The following MBD5 variants were observed in gnomAD, a reference collection of about 807,000 sequenced individuals.
MBD5 encodes the protein methyl-CpG-binding domain protein 5.
Under a neutral mutation model 117.3 loss-of-function variants are expected in MBD5, and 13 were observed. The ratio of observed to expected loss-of-function variants is 0.11; its 90% CI spans 0.07 to 0.18. The LOEUF is 0.18. Among genes scored for constraint, MBD5 ranks in the 10% least tolerant of loss-of-function variants. The pLI, the probability that MBD5 is intolerant of heterozygous loss-of-function variation, is 1.00. For missense variants in MBD5, 1,879 were observed against 2,093.8 expected, an observed-to-expected ratio of 0.90 and a Z score of 2.00; for synonymous variants, 727 against 766.4, an observed-to-expected ratio of 0.95 and a Z score of 0.85.
At chr2:148,166,094 T>C (rs1256258941) in intron 1 of MBD5, among the ~76,000 whole-genome samples, 1 of 152,182 alleles carries the variant, frequency 6.6e-6, no homozygotes, top group African/African-American at 2.4e-5. Flanking sequence ...GACAATTCTC[T>C]AAATGTAAGA....
At chr2:148,139,836 A>C (rs995558110) in intron 1 of MBD5, among the ~76,000 whole-genome samples, 2 of 152,170 alleles carry the variant, frequency 1.3e-5, no homozygotes, top group Admixed American at 6.5e-5. Flanking sequence ...GTGGGCCCCA[A>C]CATATCCTGT....
chr2:148,409,790 A>G (rs1367283275), intron 4 of MBD5, among the ~76,000 whole-genome samples: 2 of 152,200 alleles, frequency 1.3e-5, no homozygotes, highest in African/African-American at 2.4e-5. Flanking sequence ...TGTGATATTT[A>G]AATGTCAATA....
chr2:148,069,054 ATG>A (rs1695284302), intron 1 of MBD5, among the ~76,000 whole-genome samples: 1 of 152,188 alleles, frequency 6.6e-6, no homozygotes, highest in Admixed American at 6.5e-5. Flanking sequence ...TACAGAAACA[ATG>A]TGTCTTCTCT....
At chr2:148,042,924 TCTTAGCTCC>T (rs1180900089) in intron 1 of MBD5, among the ~76,000 whole-genome samples, 1 of 152,114 alleles carries the variant, frequency 6.6e-6, no homozygotes, top group Non-Finnish European at 1.5e-5. Flanking sequence ...CTTTTTTAGG[TCTTAGCTCC>T]CTTTGAAAAT....
chr2:148,224,956 A>G (rs923804877), intron 2 of MBD5, among the ~76,000 whole-genome samples: 1 of 151,684 alleles, frequency 6.6e-6, no homozygotes, highest in African/African-American at 2.4e-5. Context: ...GTTTGTATTT[A>G]TAGGTGAAGT....
chr2:148,152,167 A>G (rs991434135), intron 1 of MBD5, among the ~76,000 whole-genome samples: 9 of 152,146 alleles, frequency 5.9e-5, no homozygotes, highest in Non-Finnish European at 1.2e-4. Context: ...TTTCAAAAAC[A>G]TCTTTATTTC....
chr2:148,210,067 C>T (rs1699381331), intron 2 of MBD5, among the ~76,000 whole-genome samples: 1 of 152,150 alleles, frequency 6.6e-6, no homozygotes, highest in Admixed American at 6.5e-5. Flanking sequence ...TTAGTTCCAA[C>T]TAAAATTCTA....
chr2:148,208,652 GTTCT>G (rs1699344631), intron 2 of MBD5, among the ~76,000 whole-genome samples: 1 of 87,938 alleles, frequency 1.1e-5, no homozygotes, highest in Non-Finnish European at 2.5e-5. Context: ...TTGGTTATCT[GTTCT>G]TTTTTTTTTT....
intron 11 of MBD5, among the ~76,000 whole-genome samples, chr2:148,502,059 T>G (rs1323561426): frequency 1.3e-5 from 2 of 152,220 alleles, no homozygotes; most frequent in Non-Finnish European, 2.9e-5. Context: ...ACCTCTCTTG[T>G]CTTCCCCTGA....
chr2:148,277,320 C>G (rs1327463844), intron 3 of MBD5, among the ~76,000 whole-genome samples: 1 of 152,046 alleles, frequency 6.6e-6, no homozygotes, highest in African/African-American at 2.4e-5. Flanking sequence ...TAGTGTAACA[C>G]TAGGAAGCAT....
chr2:148,395,679 C>G (rs998291426), intron 4 of MBD5, among the ~76,000 whole-genome samples: 9 of 152,098 alleles, frequency 5.9e-5, no homozygotes, highest in African/African-American at 2.2e-4. Context: ...CCCTCCTCGG[C>G]CTCTCAAAGT....
Position 148,060,081 on chromosome 2 carries a change from C to T in MBD5, c.-925+38397C>T, listed in dbSNP as rs1694984858. Among the ~76,000 whole-genome samples, 4 of 131,318 alleles carry T rather than the reference C, an allele frequency of 3.0e-5. No individual in the cohort carries two copies. In the Admixed American group the frequency reaches 3.6e-4, roughly 12 times the overall value. 86.1% of individuals were successfully genotyped at this position (131,318 alleles called of 152,430 possible). On this transcript the variant is annotated intron_variant, in intron 1 of 13. Coordinates refer to ENST00000642680, the MANE Select transcript of MBD5 (RefSeq NM_001378120.1). ...CAGGTGGATGGCTTGAGTATATATA[C>T]TTCGCGAGCACCGTGGGCAACATAG... is the stretch of plus-strand genomic sequence containing the variant.
Position 148,461,867 on chromosome 2 carries a change from G to A in MBD5, c.114-715G>A, listed in dbSNP as rs1707093243. Among the ~76,000 whole-genome samples, 4 of 152,126 alleles carry A rather than the reference G, an allele frequency of 2.6e-5. No homozygotes were observed. The South Asian group carries it at 8.3e-4, about 32-fold the overall frequency. ...CTTCGTAACATTGAAGTACCTACAC[G>A]ATTATTAGCCCGAAGACCTGCGAGG... On this transcript the variant is annotated intron_variant, in intron 5 of 13. Coordinates refer to ENST00000642680, the MANE Select transcript of MBD5 (RefSeq NM_001378120.1).
chr2:148,118,410 G>C (rs1696689201), intron 1 of MBD5, among the ~76,000 whole-genome samples: 1 of 150,896 alleles, frequency 6.6e-6, no homozygotes, highest in African/African-American at 2.4e-5. Flanking sequence ...AGGAGTTTGA[G>C]ACCAGCCTGG....
chr2:148,207,942 A>G (rs1167475657), intron 2 of MBD5, among the ~76,000 whole-genome samples: 1 of 152,178 alleles, frequency 6.6e-6, no homozygotes, highest in Non-Finnish European at 1.5e-5. Flanking sequence ...AAATTACCAC[A>G]AACCTGGTGT....
At chr2:148,297,676 C>G (rs1701686771) in intron 3 of MBD5, among the ~76,000 whole-genome samples, 2 of 152,208 alleles carry the variant, frequency 1.3e-5, no homozygotes, top group African/African-American at 2.4e-5. Context: ...TTGATTCTCT[C>G]TGGCAAATAC....
At chr2:148,061,965 T>G (rs1025857747) in intron 1 of MBD5, among the ~76,000 whole-genome samples, 1 of 151,700 alleles carries the variant, frequency 6.6e-6, no homozygotes, top group Non-Finnish European at 1.5e-5. Flanking sequence ...AAATATATAT[T>G]CATGTACCTT....
intron 2 of MBD5, among the ~76,000 whole-genome samples, chr2:148,188,194 T>C (rs1698716177): frequency 6.6e-6 from 1 of 152,152 alleles, no homozygotes; most frequent in Non-Finnish European, 1.5e-5. Context: ...TTTGAAAAAA[T>C]TCAAAATTTG....
chr2:148,491,758 ACTCT>A (rs1384592271), intron 11 of MBD5, among the ~76,000 whole-genome samples: 3 of 151,896 alleles, frequency 2.0e-5, no homozygotes, highest in Non-Finnish European at 4.4e-5. Flanking sequence ...TATTCTCTAT[ACTCT>A]CTGAGTTCAG....
Sources: gnomAD v4.1 joint callset for allele counts (sites outside exome capture counted in the v4.1 genomes callset) on GRCh38, gnomAD v4.1.1 for gene constraint, MANE v1.5 for transcripts, NCBI Gene and HGNC (gene_info 2026-07-23, HGNC 2026-07-21) for gene names.